The following TNR variants were observed in gnomAD, a reference collection of about 807,000 sequenced individuals.
TNR encodes the protein tenascin R, also known as tenascin-R.
In TNR, 45 loss-of-function variants were observed where a neutral mutation model predicts 150.4. The observed-to-expected ratio is 0.30, with a 90% CI of 0.24 to 0.38. The LOEUF (loss-of-function observed/expected upper bound fraction) is 0.38, where lower values mean the gene tolerates loss of function less well. Among genes scored for constraint, TNR ranks in the 10% least tolerant of loss-of-function variants. The pLI, the probability that TNR is intolerant of heterozygous loss-of-function variation, is 1.00. For synonymous variants in TNR, 687 were observed against 678.4 expected (o/e 1.01, Z -0.20); for missense variants, 1,544 against 1,759.1 (o/e 0.88, Z 2.19).
chr1:175,727,770 G>C (rs1017125511), intron 1 of TNR, among the ~76,000 whole-genome samples: 1 of 152,096 alleles, frequency 6.6e-6, no homozygotes, highest in Non-Finnish European at 1.5e-5. Context: ...CCAAGAGGAT[G>C]GGCACAGGGA....
At chr1:175,350,360 G>T (rs1197134776) in intron 18 of TNR, among the ~76,000 whole-genome samples, 1 of 152,168 alleles carries the variant, frequency 6.6e-6, no homozygotes, top group African/African-American at 2.4e-5. Context: ...TGAGAACCTT[G>T]TTTGCTTTTT....
intron 9 of TNR, 113 bp downstream of exon 9, chr1:175,379,439 G>A: frequency 1.1e-6 from 1 of 897,110 alleles, no homozygotes; most frequent in Non-Finnish European, 1.7e-6. Context: ...GCACTTAAGA[G>A]ATGAGATCAA....
intron 19 of TNR, among the ~76,000 whole-genome samples, chr1:175,336,432 C>A (rs540951286): frequency 4.6e-5 from 7 of 152,176 alleles, no homozygotes; most frequent in Non-Finnish European, 8.8e-5. Flanking sequence ...CAAAACCTAC[C>A]CATTTTGCAC....
intron 1 of TNR, among the ~76,000 whole-genome samples, chr1:175,564,064 A>G (rs1434410245): frequency 3.9e-5 from 6 of 152,256 alleles, no homozygotes; most frequent in African/African-American, 1.4e-4. Context: ...TTAGACAACG[A>G]TTAGCAAAAG....
chr1:175,632,401 T>C (rs150682335), intron 1 of TNR, among the ~76,000 whole-genome samples: 1 of 152,302 alleles, frequency 6.6e-6, no homozygotes, highest in Non-Finnish European at 1.5e-5. Flanking sequence ...CACATGATCA[T>C]TGAGGTCACC....
intron 21 of TNR, among the ~76,000 whole-genome samples, chr1:175,328,866 G>T (rs944650865): frequency 6.6e-6 from 1 of 152,230 alleles, no homozygotes; most frequent in African/African-American, 2.4e-5. Flanking sequence ...TCCTGTAGGA[G>T]AAATCAGAAT....
At chr1:175,631,290 A>G (rs1664317875) in intron 1 of TNR, among the ~76,000 whole-genome samples, 1 of 152,266 alleles carries the variant, frequency 6.6e-6, no homozygotes, top group Non-Finnish European at 1.5e-5. Context: ...AATTCAGATT[A>G]TGCAGAGAAT....
chr1:175,617,929 A>G (rs898356399), intron 1 of TNR, among the ~76,000 whole-genome samples: 3 of 152,242 alleles, frequency 2.0e-5, no homozygotes, highest in African/African-American at 4.8e-5. Context: ...CTTGACCAAG[A>G]TCATGCGGCC....
intron 1 of TNR, among the ~76,000 whole-genome samples, chr1:175,536,421 A>C (rs1660286747): frequency 6.6e-6 from 1 of 152,246 alleles, no homozygotes; most frequent in Non-Finnish European, 1.5e-5. Context: ...GAATCCTCAC[A>C]AAGAGTTAAG....
At position 175,424,100 on chromosome 1, in the gene TNR, G is replaced by T. The variant is rs74458669; in HGVS notation, c.-63-17323C>A. On this transcript the variant is annotated intron_variant, in intron 2 of 22. Coordinates refer to ENST00000367674, the MANE Select transcript of TNR (RefSeq NM_003285.3). ...ATTTTTAATTACTGATTTTGGTGGG[G>T]TTTTTTCCACTTTTTAATCTGTGTT... is the stretch of plus-strand genomic sequence containing the variant. Among the ~76,000 whole-genome samples, 559 of 152,308 alleles carry T rather than the reference G, an allele frequency of 3.7e-3. 11 individuals are homozygous for T. In the East Asian group the frequency reaches 0.055, roughly 15 times the overall value.
At chr1:175,459,729 T>A (rs556786549) in intron 2 of TNR, among the ~76,000 whole-genome samples, 94 of 152,222 alleles carry the variant, frequency 6.2e-4, no homozygotes, top group Middle Eastern at 3.4e-3. Flanking sequence ...AGGGGCTGTT[T>A]CTCTCCCACT....
rs1648913811 is a variant in TNR at position 175,318,882 on chromosome 1, G to C, written c.*4475C>G. On this transcript the variant is annotated 3_prime_UTR_variant, in exon 23 of 23. Transcript: ENST00000367674. Reference sequence around the variant, plus strand: ...CCTCTGAGGTCCTGAGACTCCTCCTGCAGCCGTGGCAAGTTTGAAGCAAGT... The same window carrying C: ...CCTCTGAGGTCCTGAGACTCCTCCTCCAGCCGTGGCAAGTTTGAAGCAAGT... The C allele has an allele frequency of 6.6e-6, 1 of 152,244 alleles. No homozygotes were observed. The highest frequency in any genetic ancestry group is 2.1e-4 in the South Asian group (1 of 4,822). The allele number at this position is 152,244 out of a possible 1,614,324, so 9.4% of individuals were successfully genotyped here.
chr1:175,449,905 T>C (rs2102091615), intron 2 of TNR, among the ~76,000 whole-genome samples: 1 of 152,338 alleles, frequency 6.6e-6, no homozygotes, highest in South Asian at 2.1e-4. Context: ...CGATCACAGA[T>C]GGACTCCACC....
At chr1:175,469,975 T>C (rs1476786884) in intron 2 of TNR, among the ~76,000 whole-genome samples, 1 of 152,002 alleles carries the variant, frequency 6.6e-6, no homozygotes, top group Non-Finnish European at 1.5e-5. Flanking sequence ...AGGGAAAACA[T>C]GTAATGATGA....
intron 9 of TNR, among the ~76,000 whole-genome samples, chr1:175,372,243 C>T (rs1221123693): frequency 1.3e-5 from 2 of 152,224 alleles, no homozygotes; most frequent in Admixed American, 6.5e-5. Flanking sequence ...GCCAGTCAAA[C>T]CTCCTTTCTT....
chr1:175,540,705 C>G (rs1660467168), intron 1 of TNR, among the ~76,000 whole-genome samples: 1 of 152,096 alleles, frequency 6.6e-6, no homozygotes, highest in Non-Finnish European at 1.5e-5. Flanking sequence ...CCACTCTCCC[C>G]TTCCCCAGAG....
intron 20 of TNR, among the ~76,000 whole-genome samples, chr1:175,331,884 A>G (rs1649953410): frequency 6.6e-6 from 1 of 152,206 alleles, no homozygotes; most frequent in Non-Finnish European, 1.5e-5. Context: ...GCTGAAGGTC[A>G]TCCAGATCTT....
At chr1:175,647,552 A>G (rs191860999) in intron 1 of TNR, among the ~76,000 whole-genome samples, 4 of 152,286 alleles carry the variant, frequency 2.6e-5, no homozygotes, top group Admixed American at 2.0e-4. Context: ...TGAAGAAATC[A>G]CAGGCAGAAC....
intron 1 of TNR, among the ~76,000 whole-genome samples, chr1:175,587,762 GC>G (rs1662632126): frequency 6.6e-6 from 1 of 152,162 alleles, no homozygotes; most frequent in African/African-American, 2.4e-5. Flanking sequence ...TTCAAAAGCT[GC>G]CCAGGTGATT....
Sources: gnomAD v4.1 joint callset for allele counts (sites outside exome capture counted in the v4.1 genomes callset) on GRCh38, gnomAD v4.1.1 for gene constraint, MANE v1.5 for transcripts, NCBI Gene and HGNC (gene_info 2026-07-23, HGNC 2026-07-21) for gene names.